Variants in GALNT17 observed in about 807,000 individuals in gnomAD.
GALNT17 encodes UDP-GalNAc:polypeptide N-acetylgalactosaminyltransferase-like 3.
A neutral mutation model predicts 63.7 loss-of-function variants in GALNT17; 29 were observed. The observed-to-expected ratio is 0.46, with a 90% confidence interval of 0.34 to 0.62. The LOEUF is 0.62. Ranked by LOEUF, GALNT17 falls within the 20% of genes least tolerant of loss-of-function variation. The pLI is 0.01. For synonymous variants in GALNT17, 305 were observed against 318.3 expected (o/e 0.96, Z 0.45); for missense variants, 603 against 799.6 (o/e 0.75, Z 2.97).
At chr7:71,581,190 CG>C (rs1259522421) in intron 6 of GALNT17, among the ~76,000 whole-genome samples, 5 of 152,088 alleles carry the variant, frequency 3.3e-5, no homozygotes, top group Admixed American at 3.3e-4. Flanking sequence ...CATAGTCTCT[CG>C]CCCTGTCACC....
At chr7:71,392,769 G>A (rs1239124426) in intron 3 of GALNT17, among the ~76,000 whole-genome samples, 2 of 152,100 alleles carry the variant, frequency 1.3e-5, no homozygotes, top group African/African-American at 2.4e-5. Flanking sequence ...GGGAGTTGAC[G>A]ATATTAACAT....
intron 3 of GALNT17, among the ~76,000 whole-genome samples, chr7:71,407,035 T>A (rs1337282746): frequency 6.6e-6 from 1 of 152,232 alleles, no homozygotes; most frequent in Non-Finnish European, 1.5e-5. Context: ...ATTTTTTCAC[T>A]GTGATCTCTG....
intron 2 of GALNT17, among the ~76,000 whole-genome samples, chr7:71,367,572 G>GC (rs1792537705): frequency 6.8e-6 from 1 of 147,696 alleles, no homozygotes; most frequent in Non-Finnish European, 1.5e-5. Context: ...CCAGGTTACA[G>GC]TGGGGCCCCC....
chr7:71,623,082 G>A (rs367986803), intron 6 of GALNT17, among the ~76,000 whole-genome samples: 12 of 152,114 alleles, frequency 7.9e-5, no homozygotes, highest in South Asian at 4.2e-4. Context: ...CCTTATCCCC[G>A]CTTTCAGACT....
rs569344493 is a variant in GALNT17, at chr7:71,531,736, T to G, written c.963-39549T>G. ...TCCCAAGTAGCTGGGACTACAGGCA[T>G]GTACCACCACTTCTGGTTTAAGGCA... On this transcript the variant is annotated intron_variant, in intron 5 of 10. Coordinates refer to ENST00000333538, the MANE Select transcript of GALNT17 (RefSeq NM_022479.3). 6.6e-5 allele frequency among the ~76,000 whole-genome samples: 10 copies of G among 152,268 alleles called. No homozygotes were observed. The South Asian group carries it at 1.9e-3, about 28-fold the overall frequency.
At chr7:71,178,227 T>A (rs1179832876) in intron 1 of GALNT17, among the ~76,000 whole-genome samples, 1 of 152,236 alleles carries the variant, frequency 6.6e-6, no homozygotes, top group East Asian at 1.9e-4. Flanking sequence ...ACTTTAAAGA[T>A]ATCATTCTGT....
chr7:71,394,891 C>T (rs1429595775), intron 3 of GALNT17, among the ~76,000 whole-genome samples: 1 of 152,126 alleles, frequency 6.6e-6, no homozygotes, highest in Non-Finnish European at 1.5e-5. Context: ...CACTTGAGGT[C>T]AGGAGTTCGA....
chr7:71,246,769 C>G lies in GALNT17; in HGVS notation c.239-88781C>G, dbSNP rs185997174. On this transcript the variant is annotated intron_variant, in intron 1 of 10. Transcript: ENST00000333538. ...GGGTGAACTCAGGAGGCAGAGCTTG[C>G]AGTGAGCTGAGAACGCGCCACTGCA... 3.0e-4 allele frequency among the ~76,000 whole-genome samples: 46 copies of G among 151,758 alleles called. 1 individual carries two copies. In the South Asian group the frequency reaches 8.5e-3, roughly 28 times the overall value.
At chr7:71,488,889 C>CTTTTTTT (rs369124996) in intron 5 of GALNT17, among the ~76,000 whole-genome samples, 3 of 54,720 alleles carry the variant, frequency 5.5e-5, no homozygotes, top group Non-Finnish European at 9.1e-5. Flanking sequence ...GCCAGGTTTC[C>CTTTTTTT]TTTTTTTTTT....
chr7:71,525,342 C>A (rs540426487), intron 5 of GALNT17, among the ~76,000 whole-genome samples: 6 of 152,016 alleles, frequency 3.9e-5, no homozygotes, highest in African/African-American at 1.2e-4. Context: ...GCCACCATGC[C>A]CGGCTAATTT....
rs534438562 is a variant in GALNT17, at chr7:71,469,176, A to G, written c.962+48071A>G. ...GGGGTATGTGAAGGTTCTAAGGTGG[A>G]AGGCCAATGACTGCAAGGAAGTCAT... On this transcript the variant is annotated intron_variant, in intron 5 of 10. Transcript: ENST00000333538. 3.3e-5 allele frequency among the ~76,000 whole-genome samples: 5 copies of G among 152,140 alleles called. No homozygotes were observed. In the East Asian group the frequency reaches 7.7e-4, roughly 24 times the overall value.
intron 2 of GALNT17, among the ~76,000 whole-genome samples, chr7:71,348,745 T>G (rs985161677): frequency 6.6e-6 from 1 of 152,228 alleles, no homozygotes. Context: ...TGTAGACAGA[T>G]GAGAGCTGCA....
At chr7:71,480,774 T>C (rs1203716950) in intron 5 of GALNT17, among the ~76,000 whole-genome samples, 2 of 152,122 alleles carry the variant, frequency 1.3e-5, no homozygotes, top group African/African-American at 4.8e-5. Flanking sequence ...CCCAAAGCAC[T>C]GGGATTACAG....
intron 8 of GALNT17, among the ~76,000 whole-genome samples, chr7:71,673,326 G>T (rs1278744694): frequency 6.6e-6 from 1 of 152,050 alleles, no homozygotes; most frequent in African/African-American, 2.4e-5. Context: ...CATGGTTGGG[G>T]ATATTTTATA....
intron 1 of GALNT17, among the ~76,000 whole-genome samples, chr7:71,247,822 G>A (rs537241859): frequency 6.6e-6 from 1 of 152,254 alleles, no homozygotes; most frequent in South Asian, 2.1e-4. Flanking sequence ...TACTATGTAT[G>A]TCATATGTAT....
At chr7:71,216,403 A>C (rs917511800) in intron 1 of GALNT17, among the ~76,000 whole-genome samples, 18 of 152,144 alleles carry the variant, frequency 1.2e-4, no homozygotes, top group African/African-American at 4.1e-4. Flanking sequence ...GGAACGCCAG[A>C]AGCCTCAGAC....
chr7:71,598,030 C>T (rs1195127256), intron 6 of GALNT17, among the ~76,000 whole-genome samples: 1 of 152,066 alleles, frequency 6.6e-6, no homozygotes. Context: ...CTGCAACCTC[C>T]ACCTCCCAGG....
At chr7:71,274,857 C>CA (rs546782773) in intron 1 of GALNT17, among the ~76,000 whole-genome samples, 2 of 152,106 alleles carry the variant, frequency 1.3e-5, no homozygotes, top group African/African-American at 2.4e-5. Context: ...ATTTGCATTT[C>CA]AAAATGAAAA....
intron 5 of GALNT17, among the ~76,000 whole-genome samples, chr7:71,517,446 A>G (rs1424276846): frequency 6.6e-6 from 1 of 152,154 alleles, no homozygotes; most frequent in East Asian, 1.9e-4. Flanking sequence ...ACTCCATAAC[A>G]TCTTTGGGAG....
Sources: gnomAD v4.1 joint callset for allele counts (sites outside exome capture counted in the v4.1 genomes callset) on GRCh38, gnomAD v4.1.1 for gene constraint, MANE v1.5 for transcripts, NCBI Gene and HGNC (gene_info 2026-07-23, HGNC 2026-07-21) for gene names.